The following PCDH15 variants were observed in gnomAD, a reference collection of about 807,000 sequenced individuals.
PCDH15 encodes protocadherin related 15.
Under a neutral mutation model 178.5 loss-of-function variants are expected in PCDH15, and 129 were observed. That is an observed-to-expected ratio of 0.72 (90% CI 0.63 to 0.84). The LOEUF is 0.84. Ranked by LOEUF, PCDH15 falls within the 40% of genes least tolerant of loss-of-function variation. The pLI is 0.00. For missense variants in PCDH15, 2,230 were observed against 2,099.9 expected (o/e 1.06, Z -1.21); for synonymous variants, 800 against 732.0 (o/e 1.09, Z -1.50).
intron 2 of PCDH15, among the ~76,000 whole-genome samples, chr10:55,499,453 A>ACACACAC (rs1840607759): frequency 6.9e-6 from 1 of 145,744 alleles, no homozygotes; most frequent in Admixed American, 6.9e-5. Context: ...ACACACACAC[A>ACACACAC]AATAATGTTG....
chr10:54,756,054 AAAACACACAC>A lies in PCDH15; in HGVS notation c.-29+44861_-29+44870del, dbSNP rs1233748982. 4.3e-3 allele frequency among the ~76,000 whole-genome samples: 487 copies of A among 111,970 alleles called. 5 individuals carry two copies. Among genetic ancestry groups the A allele is most frequent in the Admixed American group, 6.8e-3 (71 of 10,432 alleles). The allele number at this position is 111,970 out of a possible 152,430, so 73.5% of individuals were successfully genotyped here. On this transcript the variant is annotated intron_variant, in intron 1 of 37. Transcript: ENST00000644397. ...TATGGTGAAACCCCCGTCTCTACTA[AAAACACACAC>A]ACACACACACACACACACACACACA...
At chr10:54,539,036 G>C (rs1190718555) in intron 2 of PCDH15, among the ~76,000 whole-genome samples, 1 of 152,210 alleles carries the variant, frequency 6.6e-6, no homozygotes, top group East Asian at 1.9e-4. Flanking sequence ...TAACAATATT[G>C]ATTCTTCCAG....
intron 2 of PCDH15, among the ~76,000 whole-genome samples, chr10:54,648,948 C>G (rs2094194532): frequency 6.6e-6 from 1 of 152,064 alleles, no homozygotes; most frequent in South Asian, 2.1e-4. Context: ...TTATCTAAGT[C>G]TAAGCCTTAA....
At chr10:55,083,882 C>A (rs1842101686) in intron 2 of PCDH15, among the ~76,000 whole-genome samples, 1 of 151,398 alleles carries the variant, frequency 6.6e-6, no homozygotes, top group South Asian at 2.1e-4. Flanking sequence ...ACTATAAAAA[C>A]TACAATAAAA....
chr10:54,970,307 C>T (rs1427329229), intron 2 of PCDH15, among the ~76,000 whole-genome samples: 1 of 151,910 alleles, frequency 6.6e-6, no homozygotes, highest in East Asian at 1.9e-4. Flanking sequence ...TAAATTGGTA[C>T]CAAGAAGTTA....
At chr10:55,053,053 G>T (rs1390495002) in intron 2 of PCDH15, among the ~76,000 whole-genome samples, 1 of 152,124 alleles carries the variant, frequency 6.6e-6, no homozygotes, top group Non-Finnish European at 1.5e-5. Flanking sequence ...AAACGTACAT[G>T]ACAAGAACCT....
intron 20 of PCDH15, among the ~76,000 whole-genome samples, chr10:54,009,973 A>G (rs907236140): frequency 6.6e-6 from 1 of 152,162 alleles, no homozygotes; most frequent in Non-Finnish European, 1.5e-5. Flanking sequence ...GCATGCCTCC[A>G]GTAAAGGGGC....
chr10:53,853,425 C>T (rs1308940211), intron 28 of PCDH15, among the ~76,000 whole-genome samples: 1 of 151,964 alleles, frequency 6.6e-6, no homozygotes, highest in Non-Finnish European at 1.5e-5. Context: ...AGATGGACTA[C>T]CTCTGACTTT....
chr10:55,475,994 T>C (rs1458871836), intron 2 of PCDH15, among the ~76,000 whole-genome samples: 1 of 152,138 alleles, frequency 6.6e-6, no homozygotes, highest in Non-Finnish European at 1.5e-5. Flanking sequence ...TGAATATTTC[T>C]GGGTTTTACT....
intron 2 of PCDH15, among the ~76,000 whole-genome samples, chr10:55,491,412 C>A (rs1452855609): frequency 6.6e-6 from 1 of 151,688 alleles, no homozygotes; most frequent in Non-Finnish European, 1.5e-5. Context: ...AATATTGTGG[C>A]TCCTATTTCC....
chr10:54,759,659 T>C (rs1947613294), intron 1 of PCDH15, among the ~76,000 whole-genome samples: 1 of 152,204 alleles, frequency 6.6e-6, no homozygotes, highest in Non-Finnish European at 1.5e-5. Context: ...AATAAGTAAA[T>C]TGACAAAATC....
At chr10:54,644,087 C>G (rs548380953) in intron 2 of PCDH15, among the ~76,000 whole-genome samples, 1 of 146,510 alleles carries the variant, frequency 6.8e-6, no homozygotes. Context: ...TTTGTCCTTG[C>G]GAAAGTTTAC....
chr10:53,977,150 A>C (rs1185322849), intron 21 of PCDH15, among the ~76,000 whole-genome samples: 1 of 152,094 alleles, frequency 6.6e-6, no homozygotes, highest in African/African-American at 2.4e-5. Context: ...GCAGCACCTG[A>C]TTAAAGCCAA....
intron 1 of PCDH15, among the ~76,000 whole-genome samples, chr10:54,723,580 A>G (rs1942005587): frequency 6.6e-6 from 1 of 151,866 alleles, no homozygotes; most frequent in African/African-American, 2.4e-5. Context: ...TTTGCACAAC[A>G]AAATAAATAA....
intron 2 of PCDH15, among the ~76,000 whole-genome samples, chr10:55,488,256 C>T (rs1214480113): frequency 2.0e-5 from 3 of 151,486 alleles, no homozygotes; most frequent in Non-Finnish European, 1.5e-5. Context: ...ATTATTTTGG[C>T]TAAAGTTTAT....
intron 25 of PCDH15, among the ~76,000 whole-genome samples, chr10:53,925,292 G>T (rs1275780866): frequency 2.0e-5 from 3 of 151,890 alleles, no homozygotes; most frequent in Non-Finnish European, 4.4e-5. Flanking sequence ...CTCCTGATGG[G>T]AGGAACGAAT....
upstream of PCDH15, among the ~76,000 whole-genome samples, chr10:54,805,924 G>A (rs918676122): frequency 1.3e-5 from 2 of 152,074 alleles, no homozygotes; most frequent in Admixed American, 6.6e-5. Context: ...TTATTTCTAA[G>A]CATTTCTGTT....
chr10:54,573,249 T>C (rs2090050630), intron 2 of PCDH15, among the ~76,000 whole-genome samples: 1 of 152,122 alleles, frequency 6.6e-6, no homozygotes, highest in Admixed American at 6.6e-5. Flanking sequence ...ATAGCATTAG[T>C]TTAGTAAAAA....
intron 2 of PCDH15, among the ~76,000 whole-genome samples, chr10:55,078,453 A>T (rs770384153): frequency 6.6e-6 from 1 of 152,080 alleles, no homozygotes; most frequent in Non-Finnish European, 1.5e-5. Flanking sequence ...GATAATTTGT[A>T]TATGTAGTCA....
Sources: gnomAD v4.1 joint callset for allele counts (sites outside exome capture counted in the v4.1 genomes callset) on GRCh38, gnomAD v4.1.1 for gene constraint, MANE v1.5 for transcripts, NCBI Gene and HGNC (gene_info 2026-07-23, HGNC 2026-07-21) for gene names.